The following GRIN2A variants were observed in gnomAD, a reference collection of about 807,000 sequenced individuals.
GRIN2A encodes glutamate ionotropic receptor NMDA type subunit 2A, also known as glutamate receptor ionotropic, NMDA 2A.
GRIN2A carries 22 observed loss-of-function variants against 113.4 expected under a neutral mutation model. The observed-to-expected ratio is 0.19, with a 90% CI of 0.14 to 0.28. The LOEUF is 0.28. GRIN2A is among the 10% of genes least tolerant of loss of function. GRIN2A has a pLI of 1.00. For synonymous variants in GRIN2A, 827 were observed against 738.4 expected (o/e 1.12, Z -1.94); for missense variants, 1,502 against 1,887.0 (o/e 0.80, Z 3.78).
intron 4 of GRIN2A, among the ~76,000 whole-genome samples, chr16:9,888,533 C>T (rs2043630566): frequency 6.6e-6 from 1 of 151,490 alleles, no homozygotes; most frequent in Non-Finnish European, 1.5e-5. Flanking sequence ...AAAAGATTTT[C>T]CTTTTCCCTG....
chr16:10,157,686 C>T (rs954104810), intron 2 of GRIN2A, among the ~76,000 whole-genome samples: 2 of 152,158 alleles, frequency 1.3e-5, no homozygotes, highest in African/African-American at 4.8e-5. Flanking sequence ...ATCATGAGAA[C>T]AGCATGGGGG....
intron 11 of GRIN2A, among the ~76,000 whole-genome samples, chr16:9,789,273 C>T (rs555424336): frequency 1.3e-5 from 2 of 152,208 alleles, no homozygotes; most frequent in East Asian, 3.9e-4. Flanking sequence ...ACTATTTTTT[C>T]TTGGTCGCCC....
At chr16:9,772,319 C>G (rs1369591812) in intron 11 of GRIN2A, among the ~76,000 whole-genome samples, 1 of 152,220 alleles carries the variant, frequency 6.6e-6, no homozygotes, top group East Asian at 1.9e-4. Context: ...ACACCAATGC[C>G]ATCCCTTTGG....
rs549407048 is a variant in GRIN2A at position 10,165,143 on chromosome 16, A to T, written c.414+14855T>A. 4.6e-5 allele frequency among the ~76,000 whole-genome samples: 7 copies of T among 152,316 alleles called. No individual in the cohort carries two copies. The South Asian group carries it at 1.5e-3, about 32-fold the overall frequency. ...ACAAGGTATTGGTTTTCATGGCAAAAAATTGGGGAAAATCTAAATTATCAA... is the reference window on the plus strand; with the variant it reads ...ACAAGGTATTGGTTTTCATGGCAAATAATTGGGGAAAATCTAAATTATCAA... On this transcript the variant is annotated intron_variant, in intron 2 of 12. Transcript: ENST00000330684.
At chr16:9,785,179 G>A in intron 11 of GRIN2A, among the ~76,000 whole-genome samples, 1 of 151,886 alleles carries the variant, frequency 6.6e-6, no homozygotes. Flanking sequence ...GCAAAGACTT[G>A]GAACCAACCT....
chr16:9,921,324 T>C (rs562162600), intron 3 of GRIN2A, among the ~76,000 whole-genome samples: 1 of 152,108 alleles, frequency 6.6e-6, no homozygotes, highest in Non-Finnish European at 1.5e-5. Flanking sequence ...AAGGGAGAGA[T>C]CTTTGTACCA....
chr16:10,136,048 T>A (rs894828661), intron 2 of GRIN2A, among the ~76,000 whole-genome samples: 9 of 152,130 alleles, frequency 5.9e-5, no homozygotes, highest in Non-Finnish European at 1.3e-4. Flanking sequence ...TAAGCACATG[T>A]AAGTTAAGTG....
intron 2 of GRIN2A, among the ~76,000 whole-genome samples, chr16:10,115,958 C>A (rs1304036905): frequency 6.6e-6 from 1 of 152,138 alleles, no homozygotes; most frequent in African/African-American, 2.4e-5. Context: ...ACCCAGCAAT[C>A]CCGTTACAGG....
chr16:10,094,026 A>G (rs1214954822), intron 2 of GRIN2A, among the ~76,000 whole-genome samples: 1 of 152,138 alleles, frequency 6.6e-6, no homozygotes. Flanking sequence ...CTGTCCTCCT[A>G]CTCCAGGTTT....
chr16:9,782,629 T>C (rs1027669010), intron 11 of GRIN2A, among the ~76,000 whole-genome samples: 1 of 152,228 alleles, frequency 6.6e-6, no homozygotes, highest in Non-Finnish European at 1.5e-5. Flanking sequence ...GTTTGAGCAA[T>C]TCACTGCTTG....
chr16:10,043,246 C>T (rs1030047927), intron 2 of GRIN2A, among the ~76,000 whole-genome samples: 2 of 152,288 alleles, frequency 1.3e-5, no homozygotes, highest in East Asian at 3.9e-4. Context: ...CGTTAAGTAA[C>T]TTTTCCTAGG....
chr16:10,057,915 T>C (rs1340550324), intron 2 of GRIN2A, among the ~76,000 whole-genome samples: 1 of 152,212 alleles, frequency 6.6e-6, no homozygotes, highest in Admixed American at 6.5e-5. Flanking sequence ...GGCAGGCTGG[T>C]GAAGCCTTCA....
At chr16:9,941,476 G>A (rs1002672022) in intron 2 of GRIN2A, among the ~76,000 whole-genome samples, 1 of 152,222 alleles carries the variant, frequency 6.6e-6, no homozygotes, top group Non-Finnish European at 1.5e-5. Context: ...GGCCATCTGT[G>A]AAAGAGTAGG....
chr16:9,863,556 C>T (rs887845734), intron 4 of GRIN2A, among the ~76,000 whole-genome samples: 1 of 152,214 alleles, frequency 6.6e-6, no homozygotes, highest in Non-Finnish European at 1.5e-5. Context: ...CCAACACGGA[C>T]ATCCAAAAGG....
chr16:10,039,327 G>A (rs1267380587), intron 2 of GRIN2A, among the ~76,000 whole-genome samples: 1 of 152,192 alleles, frequency 6.6e-6, no homozygotes, highest in Admixed American at 6.5e-5. Context: ...CGTAGCGGGG[G>A]CAGGGATGAA....
chr16:9,827,008 A>G (rs2042399554), intron 9 of GRIN2A, among the ~76,000 whole-genome samples: 2 of 152,074 alleles, frequency 1.3e-5, no homozygotes, highest in South Asian at 4.2e-4. Flanking sequence ...ACCTCCAATC[A>G]CTTCTAGGAA....
intron 2 of GRIN2A, among the ~76,000 whole-genome samples, chr16:10,167,610 C>T (rs1028256581): frequency 1.3e-5 from 2 of 152,168 alleles, no homozygotes; most frequent in African/African-American, 4.8e-5. Flanking sequence ...TAGCCACCTC[C>T]ATGGAAGGGA....
chr16:9,789,489 T>C (rs1902457852), intron 11 of GRIN2A, among the ~76,000 whole-genome samples: 1 of 152,086 alleles, frequency 6.6e-6, no homozygotes, highest in Non-Finnish European at 1.5e-5. Flanking sequence ...AACGCCTGAA[T>C]TCCTGTCTGA....
chr16:10,068,179 G>A (rs1329050617), intron 2 of GRIN2A, among the ~76,000 whole-genome samples: 1 of 152,206 alleles, frequency 6.6e-6, no homozygotes, highest in African/African-American at 2.4e-5. Context: ...TAACCAACAT[G>A]TATTGAGTGT....
Sources: gnomAD v4.1 joint callset for allele counts (sites outside exome capture counted in the v4.1 genomes callset) on GRCh38, gnomAD v4.1.1 for gene constraint, MANE v1.5 for transcripts, NCBI Gene and HGNC (gene_info 2026-07-23, HGNC 2026-07-21) for gene names.